Variants in SPAST observed in about 807,000 individuals in gnomAD.
The protein encoded by SPAST is spastin.
In SPAST, 30 loss-of-function variants were observed where a neutral mutation model predicts 76.6. That is an observed-to-expected ratio of 0.39 (90% confidence interval 0.29 to 0.53). SPAST has a LOEUF of 0.53. Among genes scored for constraint, SPAST ranks in the 20% least tolerant of loss-of-function variants. SPAST has a pLI of 0.68. For synonymous variants in SPAST, 305 were observed against 281.0 expected (o/e 1.09, Z -0.86); for missense variants, 717 against 770.5 (o/e 0.93, Z 0.82).
At chr2:32,101,024 A>T (rs1678099385) in intron 4 of SPAST, among the ~76,000 whole-genome samples, 1 of 152,184 alleles carries the variant, frequency 6.6e-6, no homozygotes, top group Non-Finnish European at 1.5e-5. Context: ...TAGATCCTTG[A>T]GGAATCGCCA....
intron 3 of SPAST, among the ~76,000 whole-genome samples, chr2:32,094,275 A>G (rs1308403848): frequency 2.0e-5 from 3 of 151,958 alleles, no homozygotes; most frequent in East Asian, 1.9e-4. Flanking sequence ...CCAGAGTGCA[A>G]TGGCGTGATC....
intron 3 of SPAST, among the ~76,000 whole-genome samples, chr2:32,093,698 G>C (rs886160259): frequency 2.6e-5 from 4 of 152,142 alleles, no homozygotes; most frequent in Non-Finnish European, 5.9e-5. Flanking sequence ...ACAGTGTCTA[G>C]CACATGCTAG....
At chr2:32,136,750 C>A in intron 10 of SPAST, 112 bp downstream of exon 10, 2 of 1,253,260 alleles carry the variant, frequency 1.6e-6, no homozygotes, top group Non-Finnish European at 2.3e-6. Flanking sequence ...TAAAGAAGGG[C>A]AAGCTTAAAG....
chr2:32,151,575 TATTGTCAGTTACCGGTGAATATATATA>T (rs1211776008), intron 16 of SPAST, among the ~76,000 whole-genome samples: 1 of 152,128 alleles, frequency 6.6e-6, no homozygotes, highest in Non-Finnish European at 1.5e-5. Flanking sequence ...TACCAAAGTG[TATTGTCAGTTACCGGTGAATATATATA>T]AATTTAGGTA....
chr2:32,134,072 G>A (rs1339421378), intron 9 of SPAST, among the ~76,000 whole-genome samples: 1 of 152,126 alleles, frequency 6.6e-6, no homozygotes, highest in Non-Finnish European at 1.5e-5. Context: ...GGTCTGTTCT[G>A]TCGCCCAGGC....
At chr2:32,110,104 G>GTTTTTTTTTTTTTTTTTTTTTTTT (rs200943358) in intron 4 of SPAST, among the ~76,000 whole-genome samples, 1 of 135,494 alleles carries the variant, frequency 7.4e-6, no homozygotes, top group Non-Finnish European at 1.6e-5. Flanking sequence ...AGTTTTTTTT[G>GTTTTTTTTTTTTTTTTTTTTTTTT]TTTTTTTTTT....
At chr2:32,143,210 G>A in intron 13 of SPAST, 126 bp from the exon 14 acceptor site, 2 of 632,084 alleles carry the variant, frequency 3.2e-6, no homozygotes, top group East Asian at 5.8e-5. Context: ...CGAGGCTATA[G>A]TGAGCTATGA....
rs1573188057 is a variant in SPAST at position 32,155,363 on chromosome 2, C to A, written c.*867C>A. On this transcript the variant is annotated 3_prime_UTR_variant, in exon 17 of 17. Transcript: ENST00000315285. ...GAATTATTCTGATATTTAAGAGAGC[C>A]AATTTTAACTGCTGTGAAAATGTTT... 1 of 152,414 alleles carries A rather than the reference C, an allele frequency of 6.6e-6. No individual in the cohort carries two copies. The highest frequency in any genetic ancestry group is 6.6e-5 in the Admixed American group (1 of 15,236). The allele number at this position is 152,414 out of a possible 1,614,324, so 9.4% of individuals were successfully genotyped here.
At position 32,064,032 on chromosome 2, in the gene SPAST, C is replaced by T. The variant is rs778563083; in HGVS notation, c.201C>T (p.Val67=). 6.2e-7 allele frequency: 1 copy of T among 1,613,374 alleles called. No individual in the cohort carries two copies. Among genetic ancestry groups the T allele is most frequent in the Non-Finnish European group, 8.5e-7 (1 of 1,179,570 alleles). Residue 67 remains valine, a synonymous_variant, in exon 1 of 17, where the codon GTC becomes GTT. Transcript: ENST00000315285. ...TAGGCTTCGCGCTGCTGCGTTTGGT[C>T]GCCTTCCACCTGGGGCTCCTCTTCG... ...LFVGFALLRL[V]AFHLGLLFVW...
At chr2:32,079,404 A>G (rs1677107515) in intron 1 of SPAST, among the ~76,000 whole-genome samples, 1 of 151,702 alleles carries the variant, frequency 6.6e-6, no homozygotes, top group Non-Finnish European at 1.5e-5. Flanking sequence ...CCAGCTATTC[A>G]AGAGGCTGAG....
chr2:32,073,850 A>C (rs1438484780), intron 1 of SPAST, among the ~76,000 whole-genome samples: 1 of 152,174 alleles, frequency 6.6e-6, no homozygotes, highest in Non-Finnish European at 1.5e-5. Context: ...GAGGTTATTA[A>C]ATGTTTTACA....
At chr2:32,076,546 G>T (rs1676968314) in intron 1 of SPAST, among the ~76,000 whole-genome samples, 1 of 152,064 alleles carries the variant, frequency 6.6e-6, no homozygotes. Context: ...ATAGTAGAAA[G>T]CACTTTTTCT....
chr2:32,140,943 G>GTTTTTT (rs35964074), intron 12 of SPAST, among the ~76,000 whole-genome samples: 10 of 117,158 alleles, frequency 8.5e-5, no homozygotes, highest in Admixed American at 1.7e-4. Context: ...TGTTGTTGTT[G>GTTTTTT]TTTTTTTTTT....
At chr2:32,144,640 C>T (rs1477831203) in intron 14 of SPAST, among the ~76,000 whole-genome samples, 1 of 152,080 alleles carries the variant, frequency 6.6e-6, no homozygotes, top group Non-Finnish European at 1.5e-5. Context: ...AATCTCACTA[C>T]TTTGGGAGGC....
intron 16 of SPAST, 46 bp downstream of exon 16, chr2:32,147,304 G>T: frequency 9.9e-7 from 1 of 1,008,476 alleles, no homozygotes; most frequent in Non-Finnish European, 1.5e-6. Flanking sequence ...TATATTGTAA[G>T]ACATATATAA....
At chr2:32,072,458 T>A (rs149478991) in intron 1 of SPAST, among the ~76,000 whole-genome samples, 1 of 152,226 alleles carries the variant, frequency 6.6e-6, no homozygotes, top group Non-Finnish European at 1.5e-5. Flanking sequence ...TGTTTTAATG[T>A]TAATGCTGAT....
intron 4 of SPAST, among the ~76,000 whole-genome samples, chr2:32,109,419 A>C (rs1678447287): frequency 6.6e-6 from 1 of 151,970 alleles, no homozygotes; most frequent in Non-Finnish European, 1.5e-5. Flanking sequence ...TTAATTTTTA[A>C]ATACTGTAAG....
chr2:32,139,838 A>T (rs77971769), intron 12 of SPAST, among the ~76,000 whole-genome samples: 1 of 142,434 alleles, frequency 7.0e-6, no homozygotes, highest in Non-Finnish European at 1.5e-5. Flanking sequence ...TTCCAAAATT[A>T]AAAAAAAAAA....
Position 32,063,991 on chromosome 2 carries a change from T to G in SPAST, c.160T>G (p.Ser54Ala), listed in dbSNP as rs766648601. ...GCATAAGCGGAACCTGTACTATTTC[T>G]CCTACCCGCTGTTTGTAGGCTTCGC... ...SPHKRNLYYF[S>A]YPLFVGFALL... The change falls in exon 1 of 17, where the codon TCC (serine) becomes GCC (alanine). Residue 54 changes from serine (S) to alanine (A), a missense_variant. Ser to Ala is a moderately conservative substitution (Grantham distance 99). Coordinates refer to ENST00000315285, the MANE Select transcript of SPAST (RefSeq NM_014946.4). 1.9e-6 allele frequency: 3 copies of G among 1,613,238 alleles called. No homozygotes were observed. In the South Asian group the frequency reaches 3.3e-5, roughly 18 times the overall value.
Sources: allele counts gnomAD v4.1 joint callset (sites outside exome capture counted in the v4.1 genomes callset), GRCh38; gene constraint gnomAD v4.1.1; transcripts MANE v1.5; gene names NCBI Gene and HGNC (gene_info 2026-07-23, HGNC 2026-07-21).